The following FHIP1A variants were observed in gnomAD, a reference collection of about 807,000 sequenced individuals.
FHIP1A encodes FHF complex subunit HOOK interacting protein 1A, also known as FHF complex subunit HOOK-interacting protein 1A.
A neutral mutation model predicts 88.6 loss-of-function variants in FHIP1A; 61 were observed. That is an observed-to-expected ratio of 0.69 (90% CI 0.56 to 0.85). FHIP1A has a LOEUF of 0.85. Among genes scored for constraint, FHIP1A ranks in the 40% least tolerant of loss-of-function variants. The pLI is 0.00. For missense variants in FHIP1A, 1,154 were observed against 1,273.5 expected, an observed-to-expected ratio of 0.91 and a Z score of 1.43; for synonymous variants, 478 against 496.0, an observed-to-expected ratio of 0.96 and a Z score of 0.48.
intron 1 of FHIP1A, among the ~76,000 whole-genome samples, chr4:151,427,145 A>G (rs1037758228): frequency 6.6e-6 from 1 of 152,158 alleles, no homozygotes; most frequent in East Asian, 1.9e-4. Context: ...AAGGAAAGAA[A>G]ACAATTCATA....
chr4:151,568,995 T>A (rs1733496736), intron 4 of FHIP1A, among the ~76,000 whole-genome samples: 1 of 152,088 alleles, frequency 6.6e-6, no homozygotes, highest in Admixed American at 6.5e-5. Flanking sequence ...TTATTTGTTG[T>A]TTTGGAGTTT....
Position 151,493,493 on chromosome 4 carries a change from C to T in FHIP1A, c.-123+10845C>T, listed in dbSNP as rs190549560. 1.8e-3 allele frequency among the ~76,000 whole-genome samples: 277 copies of T among 152,124 alleles called. 1 individual carries two copies. The highest frequency in any genetic ancestry group is 6.4e-3 in the African/African-American group (266 of 41,516). On this transcript the variant is annotated intron_variant, in intron 3 of 13. Transcript: ENST00000435205. ...TCTGTGAAGCCAGTATTCCCTAATA[C>T]CAAAACCAGGAAAGGACGTACCAAA... is the stretch of plus-strand genomic sequence containing the variant.
rs573799970 is a variant in FHIP1A, at chr4:151,434,615, T to A, written c.-355-20086T>A. On this transcript the variant is annotated intron_variant, in intron 1 of 13. Coordinates refer to ENST00000435205, the MANE Select transcript of FHIP1A (RefSeq NM_001109977.3). The stretch of plus-strand genomic sequence containing the variant: ...ATGAATCATTGCAGTAAGAATTGGA[T>A]TTTTTTTCCCCAGTCATTCATAAAT... 3.9e-5 allele frequency among the ~76,000 whole-genome samples: 6 copies of A among 152,194 alleles called. No individual in the cohort carries two copies. In the South Asian group the frequency reaches 1.2e-3, roughly 32 times the overall value.
intron 3 of FHIP1A, among the ~76,000 whole-genome samples, chr4:151,514,152 C>T (rs534864437): frequency 5.3e-5 from 8 of 152,344 alleles, no homozygotes; most frequent in South Asian, 2.1e-4. Flanking sequence ...AAGAAACTCA[C>T]TCAAAACCAA....
intron 3 of FHIP1A, among the ~76,000 whole-genome samples, chr4:151,497,123 G>A (rs1457203095): frequency 1.3e-5 from 2 of 152,144 alleles, no homozygotes; most frequent in Admixed American, 6.5e-5. Context: ...TCCTTAGGCT[G>A]TTTGAGAATG....
chr4:151,571,823 A>G (rs1733612808), intron 4 of FHIP1A, among the ~76,000 whole-genome samples: 1 of 152,278 alleles, frequency 6.6e-6, no homozygotes, highest in Non-Finnish European at 1.5e-5. Context: ...AGGTAGCTCT[A>G]GCCTTGACAG....
chr4:151,546,410 C>T (rs1212529117), intron 3 of FHIP1A, among the ~76,000 whole-genome samples: 4 of 152,224 alleles, frequency 2.6e-5, no homozygotes, highest in African/African-American at 9.6e-5. Context: ...TGTGGGACTT[C>T]TTGGCCTCCA....
chr4:151,536,423 C>T (rs1490277913), intron 3 of FHIP1A, among the ~76,000 whole-genome samples: 1 of 152,152 alleles, frequency 6.6e-6, no homozygotes, highest in Non-Finnish European at 1.5e-5. Flanking sequence ...TTCTATTGCC[C>T]TCTTATAATC....
chr4:151,547,916 A>C (rs1732568325), intron 3 of FHIP1A, among the ~76,000 whole-genome samples: 1 of 151,856 alleles, frequency 6.6e-6, no homozygotes, highest in South Asian at 2.1e-4. Context: ...TCCCTCTCAA[A>C]AGAAAAAGAA....
At chr4:151,478,738 C>A (rs886989773) in intron 2 of FHIP1A, among the ~76,000 whole-genome samples, 2 of 151,930 alleles carry the variant, frequency 1.3e-5, no homozygotes, top group African/African-American at 4.8e-5. Flanking sequence ...TGTGGCATTT[C>A]CCCAAATTTA....
At chr4:151,592,254 C>T (rs1359886500) in intron 7 of FHIP1A, among the ~76,000 whole-genome samples, 1 of 152,152 alleles carries the variant, frequency 6.6e-6, no homozygotes, top group Non-Finnish European at 1.5e-5. Context: ...CCTGCCTCAG[C>T]CTCCTGAGTA....
At chr4:151,480,855 G>A (rs1052248836) in intron 2 of FHIP1A, among the ~76,000 whole-genome samples, 6 of 149,702 alleles carry the variant, frequency 4.0e-5, no homozygotes, top group African/African-American at 1.5e-4. Context: ...TTCTTTTCAC[G>A]AATATTTGTT....
In FHIP1A at chr4:151,666,520, C is replaced by T. The variant is rs1370789097; in HGVS notation, c.*3766C>T. 6.6e-6 allele frequency among the ~76,000 whole-genome samples: 1 copy of T among 152,088 alleles called. No homozygotes were observed. The highest frequency in any genetic ancestry group is 1.5e-5 in the Non-Finnish European group (1 of 68,018). On this transcript the variant is annotated 3_prime_UTR_variant, in exon 14 of 14. Transcript: ENST00000435205. ...CTGTCCAGGATAAGACATCATGGAG[C>T]CAGGGTCTTGTCAGGAAAGCATCCT...
intron 4 of FHIP1A, among the ~76,000 whole-genome samples, chr4:151,570,103 G>A (rs912543474): frequency 1.3e-5 from 2 of 152,072 alleles, no homozygotes; most frequent in African/African-American, 4.8e-5. Context: ...GTGGCATCTG[G>A]CCACCTACAG....
intron 3 of FHIP1A, among the ~76,000 whole-genome samples, chr4:151,559,887 G>A (rs537865342): frequency 1.3e-5 from 2 of 152,194 alleles, no homozygotes; most frequent in African/African-American, 4.8e-5. Flanking sequence ...AGAACTTTTT[G>A]TTATCACAGA....
chr4:151,476,125 G>A (rs1012080506), intron 2 of FHIP1A, among the ~76,000 whole-genome samples: 1 of 150,070 alleles, frequency 6.7e-6, no homozygotes, highest in Admixed American at 6.7e-5. Flanking sequence ...CTCCCAAAGT[G>A]CTGGGATTAC....
In FHIP1A at chr4:151,656,231, G is replaced by A; in HGVS notation, c.2552-1G>A. ...CCTGAAGCCTTGTGTTCTTCCTGCA[G>A]GCCCATTCATCAGCGTAGTCCTGTC... On this transcript the variant is annotated splice_acceptor_variant, in intron 11 of 13. Transcript: ENST00000435205. LOFTEE classifies it high-confidence loss of function. This position sits in a 1 kb window ranked among gnomAD's most constrained non-coding sequence, Gnocchi z 4.2. The A allele has an allele frequency of 6.4e-7, 1 of 1,551,336 alleles. No individual in the cohort carries two copies. The highest frequency in any genetic ancestry group is 8.7e-7 in the Non-Finnish European group (1 of 1,146,742).
chr4:151,533,623 A>G (rs1052660634), intron 3 of FHIP1A, among the ~76,000 whole-genome samples: 12 of 152,192 alleles, frequency 7.9e-5, no homozygotes, highest in African/African-American at 2.9e-4. Flanking sequence ...CCCTGTTCAG[A>G]TAGAATAGTA....
In FHIP1A at chr4:151,645,434, T is replaced by A. The variant is rs1187332730; in HGVS notation, c.1227-1124T>A. Reference sequence around the variant, plus strand: ...TCAACTTAGGTTTTCCTCATTTGGATCAGCAGGAGGTATGGGAGATGGTTG... The same window carrying A: ...TCAACTTAGGTTTTCCTCATTTGGAACAGCAGGAGGTATGGGAGATGGTTG... On this transcript the variant is annotated intron_variant, in intron 9 of 13. Transcript: ENST00000435205. Among the ~76,000 whole-genome samples, 4 of 152,140 alleles carry A rather than the reference T, an allele frequency of 2.6e-5. 1 individual carries two copies. Among genetic ancestry groups the A allele is most frequent in the African/African-American group, 4.8e-5 (2 of 41,508 alleles).
Sources: allele counts gnomAD v4.1 joint callset (sites outside exome capture counted in the v4.1 genomes callset), GRCh38; gene constraint gnomAD v4.1.1; non-coding constraint Gnocchi (gnomAD v3.1); transcripts MANE v1.5; gene names NCBI Gene and HGNC (gene_info 2026-07-23, HGNC 2026-07-21).